PCNX2: variants seen among roughly 807,000 people sequenced by gnomAD.
The protein encoded by PCNX2 is pecanex 2, also known as pecanex-like protein 2.
PCNX2 carries 168 observed loss-of-function variants against 223.8 expected under a neutral mutation model. The observed-to-expected ratio is 0.75, with a 90% confidence interval of 0.66 to 0.85. The LOEUF (loss-of-function observed/expected upper bound fraction) is 0.85, where lower values mean the gene tolerates loss of function less well. Among genes scored for constraint, PCNX2 ranks in the 40% least tolerant of loss-of-function variants. The probability of loss-of-function intolerance (pLI) is 0.00; values close to 1 mark genes in which losing one functional copy is unlikely to be tolerated. For synonymous variants in PCNX2, 1,006 were observed against 1,052.6 expected, an observed-to-expected ratio of 0.96 and a Z score of 0.86; for missense variants, 2,507 against 2,675.5, an observed-to-expected ratio of 0.94 and a Z score of 1.39.
At chr1:233,283,689 C>CG (rs145007164) in intron 1 of PCNX2, among the ~76,000 whole-genome samples, 1 of 150,240 alleles carries the variant, frequency 6.7e-6, no homozygotes, top group Non-Finnish European at 1.5e-5. Flanking sequence ...ACTATGAGGA[C>CG]GGGGGAAAAA....
At chr1:233,137,640 C>A (rs556609232) in intron 20 of PCNX2, among the ~76,000 whole-genome samples, 17 of 152,264 alleles carry the variant, frequency 1.1e-4, no homozygotes, top group Middle Eastern at 3.4e-3. Flanking sequence ...TTATTAAAGT[C>A]ACAGTTTTCA....
Position 233,025,264 on chromosome 1 carries a change from G to A in PCNX2, c.4487C>T (p.Thr1496Ile). The change falls in exon 26 of 34, where the codon ACC becomes ATC. Residue 1496 changes from threonine to isoleucine, a missense_variant. Physicochemically the swap from Thr to Ile is moderately conservative, Grantham distance 89. This residue lies in a region of PCNX2 where 1,372 missense variants were observed against 1,509.4 expected (regional missense o/e 0.91). Transcript: ENST00000258229. ...CNAAFHLRWL[T>I]WEITQTQYIL... ...GTACTGGGTCTGCGTGATTTCCCAG[G>A]TGAGCCAGCGGAGGTGAAAGGCAGC... is the stretch of plus-strand genomic sequence containing the variant. 6.2e-7 allele frequency: 1 copy of A among 1,614,020 alleles called. No individual in the cohort carries two copies. The highest frequency in any genetic ancestry group is 8.5e-7 in the Non-Finnish European group (1 of 1,179,894).
intron 8 of PCNX2, among the ~76,000 whole-genome samples, chr1:233,246,888 T>C (rs915040794): frequency 4.6e-5 from 7 of 152,260 alleles, no homozygotes; most frequent in African/African-American, 1.7e-4. Context: ...CTGGTTCTTA[T>C]TCTGCTTTCT....
intron 19 of PCNX2, among the ~76,000 whole-genome samples, chr1:233,149,171 T>C (rs1227849420): frequency 6.6e-6 from 1 of 152,254 alleles, no homozygotes; most frequent in African/African-American, 2.4e-5. Context: ...TTCTCTGGAA[T>C]ATTAGGTCCT....
intron 15 of PCNX2, among the ~76,000 whole-genome samples, chr1:233,186,533 C>A (rs1680109466): frequency 6.6e-6 from 1 of 152,122 alleles, no homozygotes; most frequent in African/African-American, 2.4e-5. Context: ...CTAGAGTGCA[C>A]CCCTGTAGCA....
At chr1:233,156,918 AAAAC>A (rs138795086) in intron 19 of PCNX2, among the ~76,000 whole-genome samples, 3,817 of 152,184 alleles carry the variant, frequency 0.025, 160 homozygotes, top group African/African-American at 0.086. Context: ...ATTCAGTCTC[AAAAC>A]AAACAAACAA....
chr1:233,308,436 G>C, the PCNX2 span, among the ~76,000 whole-genome samples: 2 of 151,874 alleles, frequency 1.3e-5, no homozygotes, highest in South Asian at 4.2e-4. Flanking sequence ...TCCAGCCTGG[G>C]CGACAGAGCA....
Position 233,262,989 on chromosome 1 carries a change from C to T in PCNX2, c.328G>A (p.Gly110Ser). The stretch of plus-strand genomic sequence containing the variant: ...TTTCTGTGATTAGTTATGTGTTCAC[C>T]TTTGGCCTCCTTGTCTTTATTTGGC... The part of the protein sequence containing the change: ...EKPNKDKEAK[G>S]EHITNHRNPS... Residue 110 changes from glycine (G) to serine (S), a missense_variant, in exon 2 of 34, where the codon GGT becomes AGT. Physicochemically the swap from Gly to Ser is moderately conservative, Grantham distance 56. Coordinates refer to ENST00000258229, the MANE Select transcript of PCNX2 (RefSeq NM_014801.4). The T allele has an allele frequency of 1.2e-6, 2 of 1,613,554 alleles. No homozygotes were observed. The highest frequency in any genetic ancestry group is 1.7e-6 in the Non-Finnish European group (2 of 1,179,784).
the PCNX2 span, among the ~76,000 whole-genome samples, chr1:233,316,677 C>T: frequency 6.6e-6 from 1 of 152,124 alleles, no homozygotes; most frequent in Non-Finnish European, 1.5e-5. Context: ...AAACTTTCTC[C>T]AGATAATTGC....
chr1:233,148,107 C>T (rs1677571283), intron 19 of PCNX2, among the ~76,000 whole-genome samples: 1 of 152,188 alleles, frequency 6.6e-6, no homozygotes, highest in African/African-American at 2.4e-5. Context: ...ATAAAAACTA[C>T]CACTGCTTTC....
At chr1:233,257,689 A>T (rs1476738953) in intron 5 of PCNX2, among the ~76,000 whole-genome samples, 1 of 152,244 alleles carries the variant, frequency 6.6e-6, no homozygotes, top group Non-Finnish European at 1.5e-5. Context: ...GAAGGCATCT[A>T]TTCCATAAAG....
At chr1:233,106,603 C>T (rs916480086) in intron 21 of PCNX2, among the ~76,000 whole-genome samples, 3 of 152,020 alleles carry the variant, frequency 2.0e-5, no homozygotes, top group Admixed American at 6.6e-5. Flanking sequence ...CCGCCCGCCT[C>T]AGCCTCCCAA....
chr1:233,273,736 G>A (rs936479457), intron 1 of PCNX2, among the ~76,000 whole-genome samples: 3 of 151,484 alleles, frequency 2.0e-5, no homozygotes, highest in African/African-American at 7.3e-5. Context: ...CGATTCTCCT[G>A]CCTCAGCCTC....
rs372153367 is a variant in PCNX2, at chr1:233,022,695, CTTTTTTT to C, written c.4605+2444_4605+2450del. 4.7e-5 allele frequency among the ~76,000 whole-genome samples: 6 copies of C among 128,680 alleles called. No individual in the cohort carries two copies. The East Asian group carries it at 9.1e-4, about 19-fold the overall frequency. The allele number at this position is 128,680 out of a possible 152,430, so 84.4% of individuals were successfully genotyped here. On this transcript the variant is annotated intron_variant, in intron 26 of 33. Transcript: ENST00000258229. The stretch of plus-strand genomic sequence containing the variant: ...CTAGCCTAATTCTTTCTTTTTCTTT[CTTTTTTT>C]TTTTTTTTTTTTTGAGACAGAGTCT...
intron 15 of PCNX2, among the ~76,000 whole-genome samples, chr1:233,195,547 G>C (rs1485501614): frequency 3.9e-5 from 6 of 152,286 alleles, no homozygotes; most frequent in Middle Eastern, 3.4e-3. Context: ...ATCTATGGTA[G>C]ACAATCTTAA....
intron 32 of PCNX2, among the ~76,000 whole-genome samples, chr1:232,988,556 T>A (rs994712636): frequency 6.6e-6 from 1 of 152,234 alleles, no homozygotes; most frequent in African/African-American, 2.4e-5. Context: ...AAGTTATGAA[T>A]GTTTCTAGGG....
At chr1:233,229,129 T>C (rs1285214979) in intron 9 of PCNX2, among the ~76,000 whole-genome samples, 2 of 152,228 alleles carry the variant, frequency 1.3e-5, no homozygotes, top group Non-Finnish European at 2.9e-5. Flanking sequence ...GTGCCTGGCA[T>C]GCATTCATTA....
At chr1:233,086,533 T>C (rs1027050901) in intron 23 of PCNX2, among the ~76,000 whole-genome samples, 1 of 150,754 alleles carries the variant, frequency 6.6e-6, no homozygotes, top group Non-Finnish European at 1.5e-5. Context: ...TAGTCAGGCG[T>C]GGTGGCGGGC....
intron 26 of PCNX2, among the ~76,000 whole-genome samples, chr1:233,018,494 C>T (rs1167361013): frequency 6.6e-6 from 1 of 152,170 alleles, no homozygotes; most frequent in Non-Finnish European, 1.5e-5. Flanking sequence ...AAAATGCCTC[C>T]CTTGGGCTTG....
Sources: gnomAD v4.1 joint callset for allele counts (sites outside exome capture counted in the v4.1 genomes callset) on GRCh38, gnomAD v4.1.1 for gene constraint, gnomAD v4.1.1 regional missense constraint, MANE v1.5 for transcripts, NCBI Gene and HGNC (gene_info 2026-07-23, HGNC 2026-07-21) for gene names.